RNF115: variants seen among roughly 807,000 people sequenced by gnomAD.
RNF115 encodes ring finger protein 115.
A neutral mutation model predicts 39.2 loss-of-function variants in RNF115; 31 were observed. The ratio of observed to expected loss-of-function variants is 0.79; its 90% CI spans 0.59 to 1.07. The LOEUF (loss-of-function observed/expected upper bound fraction) is 1.07, where lower values mean the gene tolerates loss of function less well. Ranked by LOEUF, RNF115 falls within the 50% of genes least tolerant of loss-of-function variation. The pLI is 0.00. For synonymous variants in RNF115, 124 were observed against 131.0 expected (o/e 0.95, Z 0.37); for missense variants, 384 against 381.7 (o/e 1.01, Z -0.05).
At chr1:145,757,569 A>G (rs1006119729) in intron 4 of RNF115, among the ~76,000 whole-genome samples, 2 of 152,236 alleles carry the variant, frequency 1.3e-5, no homozygotes, top group Non-Finnish European at 2.9e-5. Context: ...AGCTACAAAT[A>G]TGAACTACTT....
chr1:145,755,406 A>G lies in RNF115; in HGVS notation c.429-2357T>C, dbSNP rs587664983. On this transcript the variant is annotated intron_variant, in intron 4 of 8. Coordinates refer to ENST00000582693, the MANE Select transcript of RNF115 (RefSeq NM_014455.4). Reference sequence around the variant, plus strand: ...AACAAACCTGCCAGAATATGTGTAAAGCCTAGTCAATCCTATACTGCAGCA... The same window carrying G: ...AACAAACCTGCCAGAATATGTGTAAGGCCTAGTCAATCCTATACTGCAGCA... Among the ~76,000 whole-genome samples the G allele has an allele frequency of 2.0e-5, 3 of 152,224 alleles. No homozygotes were observed. The South Asian group carries it at 6.2e-4, about 32-fold the overall frequency.
chr1:145,816,077 T>C (rs1433780826), intron 1 of RNF115, among the ~76,000 whole-genome samples: 2 of 43,716 alleles, frequency 4.6e-5, no homozygotes, highest in East Asian at 1.2e-3. Flanking sequence ...ATGGTTTTTT[T>C]TTTTTTTGAG....
chr1:145,762,420 G>T (rs587748856), intron 4 of RNF115, among the ~76,000 whole-genome samples: 1 of 152,008 alleles, frequency 6.6e-6, no homozygotes, highest in Non-Finnish European at 1.5e-5. Flanking sequence ...CCCAGTCTCA[G>T]GTATGTCTTT....
intron 4 of RNF115, among the ~76,000 whole-genome samples, chr1:145,765,409 T>C (rs1658730776): frequency 7.1e-6 from 1 of 141,176 alleles, no homozygotes; most frequent in African/African-American, 2.6e-5. Flanking sequence ...CACCCAAGAA[T>C]GATCAATAAA....
chr1:145,797,037 A>C, intron 1 of RNF115, among the ~76,000 whole-genome samples: 2 of 152,262 alleles, frequency 1.3e-5, no homozygotes, highest in South Asian at 4.1e-4. Flanking sequence ...CTCCCAGATG[A>C]TATCAAGGAA....
intron 4 of RNF115, among the ~76,000 whole-genome samples, chr1:145,761,562 A>G (rs1311299586): frequency 6.6e-6 from 1 of 152,252 alleles, no homozygotes. Context: ...AGTGCACTGA[A>G]GACAAGAACT....
At chr1:145,777,425 C>A (rs1169889638) in intron 3 of RNF115, among the ~76,000 whole-genome samples, 3 of 152,094 alleles carry the variant, frequency 2.0e-5, no homozygotes, top group African/African-American at 7.2e-5. Context: ...ATACAAAGTG[C>A]AAATTAGTGC....
intron 3 of RNF115, among the ~76,000 whole-genome samples, chr1:145,779,386 G>A (rs1400410680): frequency 6.6e-6 from 1 of 151,968 alleles, no homozygotes; most frequent in African/African-American, 2.4e-5. Context: ...TGTTGCCCAG[G>A]CTGGTCTTGA....
intron 4 of RNF115, among the ~76,000 whole-genome samples, chr1:145,769,511 A>G (rs1553715445): frequency 6.6e-6 from 1 of 152,164 alleles, no homozygotes; most frequent in East Asian, 1.9e-4. Flanking sequence ...ACTACCCTAT[A>G]CTATCAACCA....
intron 2 of RNF115, among the ~76,000 whole-genome samples, chr1:145,786,096 T>C (rs1037158605): frequency 1.7e-4 from 26 of 152,204 alleles, no homozygotes; most frequent in Non-Finnish European, 3.4e-4. Flanking sequence ...GGTTCTGCTC[T>C]CCCTGAAGCT....
chr1:145,793,726 A>T (rs1272950307), intron 1 of RNF115, among the ~76,000 whole-genome samples: 1 of 152,010 alleles, frequency 6.6e-6, no homozygotes, highest in Non-Finnish European at 1.5e-5. Flanking sequence ...CCCACCACTA[A>T]GTCCTGGTAC....
chr1:145,802,617 G>A (rs1553721036), intron 1 of RNF115, among the ~76,000 whole-genome samples: 3 of 151,796 alleles, frequency 2.0e-5, no homozygotes, highest in African/African-American at 4.8e-5. Flanking sequence ...CTACCTCTTC[G>A]TTATCAACTT....
At chr1:145,775,663 G>A (rs1267141164) in intron 3 of RNF115, among the ~76,000 whole-genome samples, 1 of 151,890 alleles carries the variant, frequency 6.6e-6, no homozygotes, top group Non-Finnish European at 1.5e-5. Flanking sequence ...CCAAAGTACT[G>A]GGATTGAACC....
At chr1:145,804,505 A>ATG (rs1649383931) in intron 1 of RNF115, among the ~76,000 whole-genome samples, 3 of 76,036 alleles carry the variant, frequency 3.9e-5, no homozygotes, top group Non-Finnish European at 7.5e-5. Flanking sequence ...GCATGCACAC[A>ATG]CACACACACA....
chr1:145,816,897 G>A (rs1418868540), intron 1 of RNF115, among the ~76,000 whole-genome samples: 2 of 80,948 alleles, frequency 2.5e-5, no homozygotes, highest in Non-Finnish European at 5.5e-5. Context: ...AGCCTCCCAA[G>A]TAGCTAGGAC....
At chr1:145,770,804 A>G (rs781792720) in intron 4 of RNF115, among the ~76,000 whole-genome samples, 10 of 152,202 alleles carry the variant, frequency 6.6e-5, no homozygotes, top group Non-Finnish European at 1.0e-4. Flanking sequence ...TATTATTCCA[A>G]CTAAATGAGA....
At chr1:145,767,763 C>A (rs970643668) in intron 4 of RNF115, among the ~76,000 whole-genome samples, 1 of 152,268 alleles carries the variant, frequency 6.6e-6, no homozygotes, top group Non-Finnish European at 1.5e-5. Flanking sequence ...TCGCGGTTAG[C>A]AGCTGGAGAC....
At chr1:145,793,032 T>C (rs1648749557) in intron 1 of RNF115, among the ~76,000 whole-genome samples, 1 of 152,152 alleles carries the variant, frequency 6.6e-6, no homozygotes, top group South Asian at 2.1e-4. Context: ...TCTGAAAATT[T>C]ATCTGGTCAG....
chr1:145,769,879 T>C (rs1419763017), intron 4 of RNF115, among the ~76,000 whole-genome samples: 2 of 151,844 alleles, frequency 1.3e-5, no homozygotes, highest in African/African-American at 4.8e-5. Context: ...TGGTGGCACA[T>C]GCTTGTAGTC....
Sources: gnomAD v4.1 joint callset for allele counts (sites outside exome capture counted in the v4.1 genomes callset) on GRCh38, gnomAD v4.1.1 for gene constraint, MANE v1.5 for transcripts, NCBI Gene and HGNC (gene_info 2026-07-23, HGNC 2026-07-21) for gene names.